NPEPPS: variants seen among roughly 807,000 people sequenced by gnomAD.
The protein encoded by NPEPPS is puromycin-sensitive aminopeptidase.
In NPEPPS, 14 loss-of-function variants were observed where a neutral mutation model predicts 115.5. The observed-to-expected ratio is 0.12, with a 90% confidence interval of 0.08 to 0.19. The LOEUF (loss-of-function observed/expected upper bound fraction) is 0.19. NPEPPS is among the 10% of genes least tolerant of loss of function. The pLI is 1.00. For missense variants in NPEPPS, 523 were observed against 1,110.8 expected (o/e 0.47, Z 7.52); for synonymous variants, 285 against 390.6 (o/e 0.73, Z 3.19).
chr17:47,524,060 C>G (rs1391681653), intron 1 of NPEPPS, among the ~76,000 whole-genome samples: 1 of 151,406 alleles, frequency 6.6e-6, no homozygotes, highest in African/African-American at 2.4e-5. Flanking sequence ...AATCCCTGCA[C>G]TTTGGGAGGC....
rs777578024 is a variant in NPEPPS, at chr17:47,531,450, C to G, written c.150C>G (p.Pro50=). The change falls in exon 1 of 23, where the codon CCC becomes CCG. Residue 50 remains proline, a synonymous_variant. Coordinates refer to ENST00000322157, the MANE Select transcript of NPEPPS (RefSeq NM_006310.4). ...TCGCCGCGATGCCGGAGAAGAGGCC[C>G]TTCGAGCGGCTGCCTGCCGATGTCT... ...LGLAAMPEKR[P]FERLPADVSP... 70 of 1,566,192 alleles carry G rather than the reference C, an allele frequency of 4.5e-5. No homozygotes were observed. The highest frequency in any genetic ancestry group is 8.2e-5 in the South Asian group (7 of 85,378).
chr17:47,596,135 G>A (rs1335725913), intron 12 of NPEPPS: 1 of 393,660 alleles, frequency 2.5e-6, no homozygotes, highest in Non-Finnish European at 4.7e-6. Context: ...CCTGGGTGAT[G>A]AAGTAAGACC....
intron 22 of NPEPPS, 96 bp from the exon 23 acceptor site, chr17:47,621,672 A>C: frequency 7.3e-6 from 8 of 1,095,444 alleles, no homozygotes; most frequent in Non-Finnish European, 1.0e-5. Flanking sequence ...AAGATTATGC[A>C]TCCTTCATAT....
At chr17:47,591,389 A>G (rs2610291) in intron 10 of NPEPPS, among the ~76,000 whole-genome samples, 55 of 151,216 alleles carry the variant, frequency 3.6e-4, no homozygotes, top group African/African-American at 1.3e-3. Flanking sequence ...AAGAAAAAGA[A>G]TAGTATGGGA....
At chr17:47,619,273 GC>G in intron 21 of NPEPPS, 109 bp downstream of exon 21, 1 of 1,141,692 alleles carries the variant, frequency 8.8e-7, no homozygotes, top group Non-Finnish European at 1.3e-6. Flanking sequence ...GTTTCCTGTG[GC>G]CAGGTGCAGT....
intron 13 of NPEPPS, among the ~76,000 whole-genome samples, chr17:47,597,317 C>T (rs971058617): frequency 2.0e-5 from 3 of 152,128 alleles, no homozygotes; most frequent in Non-Finnish European, 4.4e-5. Context: ...CTGAGAATTA[C>T]ACAACATCCT....
At chr17:47,579,894 T>C (rs1317812729) in intron 4 of NPEPPS, 2 of 187,822 alleles carry the variant, frequency 1.1e-5, no homozygotes, top group South Asian at 9.3e-5. Context: ...TTTATCTTAC[T>C]GTAGTATCTG....
upstream of NPEPPS, among the ~76,000 whole-genome samples, chr17:47,529,470 T>C (rs1907575007): frequency 6.7e-6 from 1 of 148,940 alleles, no homozygotes; most frequent in African/African-American, 2.5e-5. Flanking sequence ...AGTGGCGTGA[T>C]CTTGGCTCGC....
intron 9 of NPEPPS, among the ~76,000 whole-genome samples, chr17:47,589,842 CT>C (rs1317278829): frequency 6.6e-6 from 1 of 152,142 alleles, no homozygotes; most frequent in Non-Finnish European, 1.5e-5. Flanking sequence ...TGGTTTTCCC[CT>C]GTCATTTCCA....
chr17:47,560,170 A>G (rs1235911719), intron 2 of NPEPPS, among the ~76,000 whole-genome samples: 1 of 151,970 alleles, frequency 6.6e-6, no homozygotes, highest in Non-Finnish European at 1.5e-5. Flanking sequence ...GAGAGAGATA[A>G]TTAGTTTGAA....
chr17:47,545,091 AC>A (rs761977069), intron 1 of NPEPPS, among the ~76,000 whole-genome samples: 1 of 150,928 alleles, frequency 6.6e-6, no homozygotes, highest in Non-Finnish European at 1.5e-5. Context: ...GCCTTGCTTG[AC>A]CTCCTGGGCT....
upstream of NPEPPS, among the ~76,000 whole-genome samples, chr17:47,527,728 TAAAAAGAAA>T (rs1306184431): frequency 2.1e-5 from 3 of 141,488 alleles, no homozygotes; most frequent in East Asian, 2.1e-4. Context: ...GAAAAAGAAA[TAAAAAGAAA>T]AAAAAGAAAA....
At chr17:47,559,668 C>T in intron 2 of NPEPPS, 3 of 455,420 alleles carry the variant, frequency 6.6e-6, no homozygotes, top group Non-Finnish European at 1.3e-5. Context: ...GACTGCTTTT[C>T]TTCTTGTTCA....
chr17:47,575,620 T>TTA (rs1911472410), intron 3 of NPEPPS, among the ~76,000 whole-genome samples: 1 of 131,604 alleles, frequency 7.6e-6, no homozygotes, highest in Non-Finnish European at 1.6e-5. Context: ...TATTATTATT[T>TTA]TTGAGATGGA....
intron 12 of NPEPPS, among the ~76,000 whole-genome samples, chr17:47,595,875 A>G (rs1597873982): frequency 6.6e-6 from 1 of 151,366 alleles, no homozygotes; most frequent in South Asian, 2.1e-4. Context: ...CCAGCTACTC[A>G]GGCACCTGAA....
At chr17:47,541,171 T>C (rs1022843895) in intron 1 of NPEPPS, among the ~76,000 whole-genome samples, 1 of 152,158 alleles carries the variant, frequency 6.6e-6, no homozygotes, top group African/African-American at 2.4e-5. Flanking sequence ...ACAGGTATCT[T>C]GACATTGGTG....
At chr17:47,550,717 C>G (rs1002246829) in intron 2 of NPEPPS, among the ~76,000 whole-genome samples, 1 of 151,056 alleles carries the variant, frequency 6.6e-6, no homozygotes, top group Non-Finnish European at 1.5e-5. Context: ...ACCTCTGCCT[C>G]CCAGGTTCAA....
chr17:47,551,382 A>T (rs1909638627), intron 2 of NPEPPS, among the ~76,000 whole-genome samples: 1 of 151,712 alleles, frequency 6.6e-6, no homozygotes. Context: ...AATGAAGTTT[A>T]TTATTTATTT....
intron 2 of NPEPPS, among the ~76,000 whole-genome samples, chr17:47,565,834 G>A (rs943911320): frequency 5.3e-5 from 8 of 151,654 alleles, no homozygotes; most frequent in Non-Finnish European, 8.8e-5. Flanking sequence ...AAAAAAAAAA[G>A]TGATTTGAGC....
Sources: gnomAD v4.1 joint callset for allele counts (sites outside exome capture counted in the v4.1 genomes callset) on GRCh38, gnomAD v4.1.1 for gene constraint, MANE v1.5 for transcripts, NCBI Gene and HGNC (gene_info 2026-07-23, HGNC 2026-07-21) for gene names.